The following HUNK variants were observed in gnomAD, a reference collection of about 807,000 sequenced individuals.
The protein encoded by HUNK is hormonally up-regulated Neu-associated kinase.
In HUNK, 21 loss-of-function variants were observed where a neutral mutation model predicts 61.0. The observed-to-expected ratio is 0.34, with a 90% CI of 0.24 to 0.50. HUNK has a LOEUF of 0.50. Among genes scored for constraint, HUNK ranks in the 20% least tolerant of loss-of-function variants. The pLI is 0.98. For synonymous variants in HUNK, 371 were observed against 386.1 expected, an observed-to-expected ratio of 0.96 and a Z score of 0.46; for missense variants, 772 against 945.7, an observed-to-expected ratio of 0.82 and a Z score of 2.41.
intron 1 of HUNK, among the ~76,000 whole-genome samples, chr21:31,905,241 T>C (rs1348740761): frequency 6.6e-6 from 1 of 152,032 alleles, no homozygotes; most frequent in Non-Finnish European, 1.5e-5. Context: ...GGAAATAGAT[T>C]ATTAGTTAAT....
At position 31,999,973 on chromosome 21, in the gene HUNK, C is replaced by T. The variant is rs1044615192; in HGVS notation, c.*789C>T. 7.6e-6 allele frequency: 3 copies of T among 395,488 alleles called. No individual in the cohort carries two copies. The highest frequency in any genetic ancestry group is 1.3e-5 in the Non-Finnish European group (3 of 224,838). The allele number at this position is 395,488 out of a possible 1,614,324, so 24.5% of individuals were successfully genotyped here. ...CAATTCCACCAAACTCATGTTTTCA[C>T]AGGAGGGTTCAGTGTGGAGAGCAAA... is the stretch of plus-strand genomic sequence containing the variant. On this transcript the variant is annotated 3_prime_UTR_variant, in exon 11 of 11. Transcript: ENST00000270112.
At chr21:31,942,272 G>A (rs2052774096) in intron 3 of HUNK, among the ~76,000 whole-genome samples, 1 of 152,190 alleles carries the variant, frequency 6.6e-6, no homozygotes, top group South Asian at 2.1e-4. Flanking sequence ...TCAGGAGGTG[G>A]GCATTGCCCA....
chr21:31,994,416 A>C (rs2053189945), intron 9 of HUNK, among the ~76,000 whole-genome samples: 1 of 152,266 alleles, frequency 6.6e-6, no homozygotes, highest in South Asian at 2.1e-4. Flanking sequence ...AAAGGGCTGC[A>C]AAAGTGTAGA....
At chr21:31,886,029 C>T (rs945514548) in intron 1 of HUNK, among the ~76,000 whole-genome samples, 15 of 152,210 alleles carry the variant, frequency 9.9e-5, no homozygotes, top group Admixed American at 5.2e-4. Flanking sequence ...TGAGCCACCA[C>T]GCTTGGCCTA....
In HUNK at chr21:31,886,481, G is replaced by A. The variant is rs946518955; in HGVS notation, c.261+12546G>A. On this transcript the variant is annotated intron_variant, in intron 1 of 10. Coordinates refer to ENST00000270112, the MANE Select transcript of HUNK (RefSeq NM_014586.2). ...TAAAGTACTGAGGTACTGGGGTTAG[G>A]ACTCCAACAGATGAATTCTGGGGGG... is the stretch of plus-strand genomic sequence containing the variant. Among the ~76,000 whole-genome samples the A allele has an allele frequency of 1.2e-4, 18 of 151,732 alleles. No homozygotes were observed. In the East Asian group the frequency reaches 3.5e-3, roughly 29 times the overall value.
At chr21:31,888,320 T>C (rs1349066133) in intron 1 of HUNK, among the ~76,000 whole-genome samples, 1 of 152,170 alleles carries the variant, frequency 6.6e-6, no homozygotes, top group African/African-American at 2.4e-5. Context: ...ACTGGGATGC[T>C]TTTGTTGGTA....
rs2123269801 is a variant in HUNK, at chr21:32,003,485, G to A, written c.*4301G>A. ...AAAGAATGCAAAACTGCTATCTTTT[G>A]GGGGAGTCTGGAAGCCTGTTGGTTA... On this transcript the variant is annotated 3_prime_UTR_variant, in exon 11 of 11. Transcript: ENST00000270112. 6.6e-6 allele frequency: 1 copy of A among 152,296 alleles called. No homozygotes were observed. The highest frequency in any genetic ancestry group is 1.9e-4 in the East Asian group (1 of 5,174). The allele number at this position is 152,296 out of a possible 1,614,324, so 9.4% of individuals were successfully genotyped here.
Position 32,003,085 on chromosome 21 carries a change from G to C in HUNK, c.*3901G>C, listed in dbSNP as rs1202996473. On this transcript the variant is annotated 3_prime_UTR_variant, in exon 11 of 11. Coordinates refer to ENST00000270112, the MANE Select transcript of HUNK (RefSeq NM_014586.2). Reference sequence around the variant, plus strand: ...GGCATTTGAGCTGGTCTGGAGCAGAGTTTCTCCCTCAAAGAACACAGAGAA... The same window carrying C: ...GGCATTTGAGCTGGTCTGGAGCAGACTTTCTCCCTCAAAGAACACAGAGAA... 1.3e-5 allele frequency: 2 copies of C among 152,300 alleles called. No individual in the cohort carries two copies. Among genetic ancestry groups the C allele is most frequent in the Non-Finnish European group, 2.9e-5 (2 of 68,100 alleles). The allele number at this position is 152,300 out of a possible 1,614,324, so 9.4% of individuals were successfully genotyped here. A position where few individuals can be genotyped will look rare whatever the true frequency, so the allele number is the denominator to read the frequency against.
rs1019803832 is a variant in HUNK at position 31,998,461 on chromosome 21, C to G, written c.1487-65C>G. The G allele has an allele frequency of 1.1e-5, 16 of 1,397,104 alleles. No individual in the cohort carries two copies. The Admixed American group carries it at 1.3e-4, about 12-fold the overall frequency. 86.5% of individuals were successfully genotyped at this position (1,397,104 alleles called of 1,614,324 possible). A position where few individuals can be genotyped will look rare whatever the true frequency, so the allele number is the denominator to read the frequency against. On this transcript the variant is annotated intron_variant, in intron 10 of 10. Transcript: ENST00000270112. Reference sequence around the variant, plus strand: ...CAGTTAAGCTGGAGGTCACAGCAGGCAGGAGAAGGGCCGTGAGCACTGTCC... The same window carrying G: ...CAGTTAAGCTGGAGGTCACAGCAGGGAGGAGAAGGGCCGTGAGCACTGTCC...
chr21:31,936,677 T>C (rs1328488387), intron 2 of HUNK, among the ~76,000 whole-genome samples: 4 of 152,240 alleles, frequency 2.6e-5, no homozygotes, highest in Admixed American at 1.3e-4. Context: ...ATAATTATTT[T>C]TAATATGTCC....
Position 31,917,306 on chromosome 21 carries a change from C to A in HUNK, c.262-7162C>A, listed in dbSNP as rs2052590166. On this transcript the variant is annotated intron_variant, in intron 1 of 10. Coordinates refer to ENST00000270112, the MANE Select transcript of HUNK (RefSeq NM_014586.2). ...CTCCCAGACTCAAGCGATCCTCTCA[C>A]CTCAGCCTCCCGAGCAGCTGGGACT... 2.0e-5 allele frequency among the ~76,000 whole-genome samples: 3 copies of A among 152,238 alleles called. No individual in the cohort carries two copies. The South Asian group carries it at 6.2e-4, about 32-fold the overall frequency.
chr21:31,925,518 A>G (rs2052653841), intron 2 of HUNK, among the ~76,000 whole-genome samples: 1 of 152,200 alleles, frequency 6.6e-6, no homozygotes, highest in African/African-American at 2.4e-5. Context: ...TGGTGCTTTC[A>G]TTGTCTTTGC....
chr21:31,987,215 T>C lies in HUNK; in HGVS notation c.1258-2914T>C, dbSNP rs2053139730. On this transcript the variant is annotated intron_variant, in intron 8 of 10. Transcript: ENST00000270112. ...GGATACCTGCAGCCTAGCACACATA[T>C]GACGTTATCATCACCAAATGGCCGT... Among the ~76,000 whole-genome samples the C allele has an allele frequency of 2.6e-5, 4 of 152,286 alleles. No individual in the cohort carries two copies. In the South Asian group the frequency reaches 8.3e-4, roughly 32 times the overall value.
intron 1 of HUNK, among the ~76,000 whole-genome samples, chr21:31,892,792 G>A (rs978842149): frequency 5.3e-5 from 8 of 152,184 alleles, no homozygotes; most frequent in Non-Finnish European, 8.8e-5. Flanking sequence ...CGCCTCTTCC[G>A]TCAACACCTC....
At chr21:31,875,720 G>T (rs2052256796) in intron 1 of HUNK, among the ~76,000 whole-genome samples, 1 of 152,174 alleles carries the variant, frequency 6.6e-6, no homozygotes, top group South Asian at 2.1e-4. Flanking sequence ...CATTGGAAAC[G>T]TATAGGATTC....
At chr21:31,983,102 CGT>C (rs2053109343) in intron 7 of HUNK, among the ~76,000 whole-genome samples, 1 of 152,224 alleles carries the variant, frequency 6.6e-6, no homozygotes. Context: ...TGCACCCAGC[CGT>C]GTGCTGTTTT....
At chr21:31,992,690 C>T (rs2053179598) in intron 9 of HUNK, among the ~76,000 whole-genome samples, 1 of 152,220 alleles carries the variant, frequency 6.6e-6, no homozygotes. Context: ...GGTGATAGTC[C>T]CTCTGAAGAT....
At chr21:31,967,287 G>A (rs1031651481) in intron 5 of HUNK, among the ~76,000 whole-genome samples, 1 of 152,102 alleles carries the variant, frequency 6.6e-6, no homozygotes, top group Non-Finnish European at 1.5e-5. Context: ...AGAGATCAAG[G>A]CTGCAGTGAG....
chr21:31,964,595 G>A (rs1601401177), intron 5 of HUNK, among the ~76,000 whole-genome samples: 1 of 152,146 alleles, frequency 6.6e-6, no homozygotes, highest in Non-Finnish European at 1.5e-5. Flanking sequence ...GCCATGCCTG[G>A]CATGGCTTTC....
Sources: allele counts gnomAD v4.1 joint callset (sites outside exome capture counted in the v4.1 genomes callset), GRCh38; gene constraint gnomAD v4.1.1; transcripts MANE v1.5; gene names NCBI Gene and HGNC (gene_info 2026-07-23, HGNC 2026-07-21).